MECR: variants seen among roughly 807,000 people sequenced by gnomAD.
MECR encodes mitochondrial trans-2-enoyl-CoA reductase.
In MECR, 37 loss-of-function variants were observed where a neutral mutation model predicts 49.1. That is an observed-to-expected ratio of 0.75 (90% CI 0.58 to 0.99). The LOEUF (loss-of-function observed/expected upper bound fraction) is 0.99, where lower values mean the gene tolerates loss of function less well. Among genes scored for constraint, MECR ranks in the 50% least tolerant of loss-of-function variants. MECR has a pLI of 0.00. For missense variants in MECR, 470 were observed against 479.6 expected (o/e 0.98, Z 0.19); for synonymous variants, 198 against 191.1 (o/e 1.04, Z -0.30).
chr1:29,230,877 C>A lies in MECR; in HGVS notation c.30G>T (p.Val10=). Residue 10 remains valine (V), a synonymous_variant, in exon 1 of 10, where the codon GTG becomes GTT. Transcript: ENST00000263702. ...CCCGCCACTGCCGGGCGGGGGTTCG[C>A]ACCCGCCACAGGGTACTGCAGACCC... MWVCSTLWR[V]RTPARQWRGL... The A allele has an allele frequency of 6.2e-7, 1 of 1,606,170 alleles. No homozygotes were observed. Among genetic ancestry groups the A allele is most frequent in the Non-Finnish European group, 8.5e-7 (1 of 1,178,928 alleles).
At chr1:29,212,988 A>T (rs1183556821) in intron 3 of MECR, among the ~76,000 whole-genome samples, 1 of 152,136 alleles carries the variant, frequency 6.6e-6, no homozygotes, top group East Asian at 1.9e-4. Flanking sequence ...CACCTAGCCC[A>T]CTGGCTGCAC....
At chr1:29,197,979 C>T (rs1018123918) in intron 7 of MECR, among the ~76,000 whole-genome samples, 2 of 152,188 alleles carry the variant, frequency 1.3e-5, no homozygotes, top group African/African-American at 2.4e-5. Flanking sequence ...GCACCAGGAC[C>T]GGTTTCATGG....
At chr1:29,180,330 C>A in the MECR span, among the ~76,000 whole-genome samples, 2 of 152,198 alleles carry the variant, frequency 1.3e-5, no homozygotes, top group African/African-American at 2.4e-5. Flanking sequence ...TCCTTAAGAA[C>A]TGAACGTTTT....
chr1:29,215,789 TG>T (rs1679240726), intron 3 of MECR, among the ~76,000 whole-genome samples: 2 of 152,012 alleles, frequency 1.3e-5, no homozygotes, highest in Non-Finnish European at 2.9e-5. Flanking sequence ...GAGAATCACT[TG>T]AACTGGGGAG....
intron 1 of MECR, among the ~76,000 whole-genome samples, chr1:29,218,691 T>A (rs1358947352): frequency 1.3e-5 from 2 of 152,158 alleles, no homozygotes; most frequent in Non-Finnish European, 2.9e-5. Flanking sequence ...GTCAACCTAG[T>A]GAAACCCCAT....
the MECR span, among the ~76,000 whole-genome samples, chr1:29,175,865 A>C: frequency 6.6e-6 from 1 of 152,162 alleles, no homozygotes; most frequent in East Asian, 1.9e-4. Context: ...TTAATCCAGA[A>C]CCAAATGTCT....
intron 3 of MECR, among the ~76,000 whole-genome samples, chr1:29,208,353 C>G (rs1166370085): frequency 6.6e-6 from 1 of 152,340 alleles, no homozygotes; most frequent in Non-Finnish European, 1.5e-5. Context: ...AGATGCCAAA[C>G]CTGGTTTTGC....
chr1:29,196,250 C>T lies in MECR; in HGVS notation c.839G>A (p.Gly280Glu), dbSNP rs763505310. ...TELLRQLARG[G>E]TMVTYGGMAK... ...CATCCCCCCATAGGTTACCATGGTT[C>T]CTCCACGCCTGAAAAGTCCAAAGAG... is the stretch of plus-strand genomic sequence containing the variant. The change falls in exon 8 of 10, where the codon GGA becomes GAA. Residue 280 changes from glycine to glutamate, a missense_variant. Physicochemically the swap from Gly to Glu is moderately conservative, Grantham distance 98. Coordinates refer to ENST00000263702, the MANE Select transcript of MECR (RefSeq NM_016011.5). 1 of 1,612,224 alleles carries T rather than the reference C, an allele frequency of 6.2e-7. No individual in the cohort carries two copies. The highest frequency in any genetic ancestry group is 8.5e-7 in the Non-Finnish European group (1 of 1,178,694).
chr1:29,216,921 G>A, intron 1 of MECR: 1 of 854,404 alleles, frequency 1.2e-6, no homozygotes, highest in South Asian at 2.0e-5. Flanking sequence ...GATAACCTGA[G>A]GTCAGGAGTT....
the MECR span, among the ~76,000 whole-genome samples, chr1:29,180,989 A>AAAC: frequency 6.6e-6 from 1 of 152,234 alleles, no homozygotes; most frequent in South Asian, 2.1e-4. Context: ...CACAGCGTGG[A>AAAC]AACTCTGCAC....
the MECR span, among the ~76,000 whole-genome samples, chr1:29,183,086 T>C: frequency 6.6e-6 from 1 of 152,230 alleles, no homozygotes; most frequent in African/African-American, 2.4e-5. Context: ...AAGGTTCAAA[T>C]GATACACAGT....
chr1:29,178,871 C>T, the MECR span, among the ~76,000 whole-genome samples: 1 of 152,282 alleles, frequency 6.6e-6, no homozygotes, highest in Admixed American at 6.5e-5. Context: ...TCCCAGAAGT[C>T]GTTTTCCTCT....
the MECR span, among the ~76,000 whole-genome samples, chr1:29,184,767 C>G: frequency 6.6e-6 from 1 of 150,898 alleles, no homozygotes; most frequent in African/African-American, 2.4e-5. Flanking sequence ...AAACAGGCCA[C>G]AGCGCCCAGC....
At chr1:29,190,656 G>A (rs1574210991), downstream of MECR, among the ~76,000 whole-genome samples, 1 of 151,996 alleles carries the variant, frequency 6.6e-6, no homozygotes, top group South Asian at 2.1e-4. Context: ...CTAGCTGGGC[G>A]TGGTGGCAGG....
chr1:29,180,650 C>T, the MECR span, among the ~76,000 whole-genome samples: 2 of 152,124 alleles, frequency 1.3e-5, no homozygotes, highest in African/African-American at 4.8e-5. Flanking sequence ...GGTTTAGTGC[C>T]CTAAAATGTC....
At chr1:29,192,113 A>C (rs1673155707), downstream of MECR, among the ~76,000 whole-genome samples, 1 of 151,464 alleles carries the variant, frequency 6.6e-6, no homozygotes, top group Non-Finnish European at 1.5e-5. Flanking sequence ...AAACATTCCG[A>C]GCCAGTTTTT....
chr1:29,229,218 T>G (rs988226579), intron 1 of MECR, among the ~76,000 whole-genome samples: 1 of 152,004 alleles, frequency 6.6e-6, no homozygotes, highest in African/African-American at 2.4e-5. Flanking sequence ...TTTTTTTTTT[T>G]TTGAGACAGA....
In MECR at chr1:29,201,547, A is replaced by G; in HGVS notation, c.756+396T>C. ...TAAAACAGATAACAGTTCCTTTGAA[A>G]AGCTTTTGTGGAAATCATCAGATAA... On this transcript the variant is annotated intron_variant, in intron 6 of 9. Transcript: ENST00000263702. This position sits in a 1 kb window ranked among gnomAD's most constrained non-coding sequence, Gnocchi z 4.3. 1 of 459,198 alleles carries G rather than the reference A, an allele frequency of 2.2e-6. No individual in the cohort carries two copies. Among genetic ancestry groups the G allele is most frequent in the South Asian group, 1.6e-5 (1 of 60,736 alleles). 28.4% of individuals were successfully genotyped at this position (459,198 alleles called of 1,614,324 possible).
chr1:29,193,382 A>G lies in MECR; in HGVS notation c.*640T>C, dbSNP rs75045483. ...CCAGAAATATCCCCAGACATTGTCA[A>G]ATGTCTCCTGGGGGTAAAATTGCCT... is the stretch of plus-strand genomic sequence containing the variant. On this transcript the variant is annotated 3_prime_UTR_variant, in exon 10 of 10. Transcript: ENST00000263702. 3.3e-3 allele frequency: 615 copies of G among 186,552 alleles called. 6 individuals carry two copies. The highest frequency in any genetic ancestry group is 0.013 in the African/African-American group (560 of 41,712). The allele number at this position is 186,552 out of a possible 1,614,324, so 11.6% of individuals were successfully genotyped here.
Sources: gnomAD v4.1 joint callset for allele counts (sites outside exome capture counted in the v4.1 genomes callset) on GRCh38, gnomAD v4.1.1 for gene constraint, Gnocchi (gnomAD v3.1) non-coding constraint, MANE v1.5 for transcripts, NCBI Gene and HGNC (gene_info 2026-07-23, HGNC 2026-07-21) for gene names.